The following PAX5 variants were observed in gnomAD, a reference collection of about 807,000 sequenced individuals.
The protein encoded by PAX5 is paired box protein Pax-5.
A neutral mutation model predicts 43.7 loss-of-function variants in PAX5; 9 were observed. The observed-to-expected ratio is 0.21, with a 90% CI of 0.12 to 0.36. The LOEUF is 0.36. Ranked by LOEUF, PAX5 falls within the 10% of genes least tolerant of loss-of-function variation. The pLI is 1.00. For missense variants in PAX5, 383 were observed against 532.7 expected (o/e 0.72, Z 2.77); for synonymous variants, 228 against 214.3 (o/e 1.06, Z -0.56).
Position 36,851,082 on chromosome 9 carries a change from T to C in PAX5, c.1013-4153A>G, listed in dbSNP as rs1023686600. On this transcript the variant is annotated intron_variant, in intron 8 of 9. Transcript: ENST00000358127. ...TGGTTTTGTGGCCTTGGGCAAGCGA[T>C]TGAACCTTCCAGGCAGAGCCTCCTC... Among the ~76,000 whole-genome samples, 7 of 152,240 alleles carry C rather than the reference T, an allele frequency of 4.6e-5. No individual in the cohort carries two copies. In the East Asian group the frequency reaches 1.3e-3, roughly 29 times the overall value.
intron 8 of PAX5, among the ~76,000 whole-genome samples, chr9:36,881,802 C>T (rs62534680): frequency 6.6e-6 from 1 of 152,042 alleles, no homozygotes; most frequent in African/African-American, 2.4e-5. Context: ...CTCCCCTCGC[C>T]CCCGGTGTCC....
intron 5 of PAX5, among the ~76,000 whole-genome samples, chr9:36,986,132 C>T (rs1280051306): frequency 6.6e-6 from 1 of 151,838 alleles, no homozygotes; most frequent in East Asian, 1.9e-4. Flanking sequence ...CTGCCCAGCT[C>T]CCGGCTGCCG....
intron 6 of PAX5, among the ~76,000 whole-genome samples, chr9:36,952,858 A>G (rs917169790): frequency 4.6e-5 from 7 of 152,186 alleles, no homozygotes; most frequent in African/African-American, 1.7e-4. Context: ...TACTTTACAC[A>G]AACAGTTACC....
At chr9:36,878,944 G>A (rs1293494791) in intron 8 of PAX5, among the ~76,000 whole-genome samples, 1 of 152,238 alleles carries the variant, frequency 6.6e-6, no homozygotes, top group Admixed American at 6.5e-5. Context: ...TGGGGCAAGA[G>A]GAGAAAGAGG....
intron 5 of PAX5, among the ~76,000 whole-genome samples, chr9:36,979,502 C>T (rs756463304): frequency 3.6e-4 from 55 of 152,290 alleles, no homozygotes; most frequent in Non-Finnish European, 6.9e-4. Context: ...TGATAACAAT[C>T]GCACCCCTCA....
Position 36,882,809 on chromosome 9 carries a change from G to A in PAX5, c.911-704C>T, listed in dbSNP as rs1308196719. On this transcript the variant is annotated intron_variant, in intron 7 of 9. Coordinates refer to ENST00000358127, the MANE Select transcript of PAX5 (RefSeq NM_016734.3). The surrounding 1 kb of genome is among the most constrained non-coding windows in gnomAD (Gnocchi z 4.4). ...TCAAGGCGTGCACACTCCCATGGGCGAGTGTCCAGCTCTTTCAGGCTGCTG... is the reference window on the plus strand; with the variant it reads ...TCAAGGCGTGCACACTCCCATGGGCAAGTGTCCAGCTCTTTCAGGCTGCTG... Among the ~76,000 whole-genome samples the A allele has an allele frequency of 1.3e-5, 2 of 152,232 alleles. No individual in the cohort carries two copies. The highest frequency in any genetic ancestry group is 2.4e-5 in the African/African-American group (1 of 41,464).
chr9:36,977,546 T>C (rs10973148), intron 5 of PAX5, among the ~76,000 whole-genome samples: 1 of 152,148 alleles, frequency 6.6e-6, no homozygotes, highest in Admixed American at 6.6e-5. Flanking sequence ...TTTGTTTTTG[T>C]GAGATGGAGT....
intron 7 of PAX5, among the ~76,000 whole-genome samples, chr9:36,910,365 T>G (rs1180540750): frequency 1.3e-5 from 2 of 152,254 alleles, no homozygotes; most frequent in African/African-American, 4.8e-5. Flanking sequence ...ATACATTATT[T>G]ACATCCCCTA....
chr9:36,894,045 A>G (rs893923808), intron 7 of PAX5, among the ~76,000 whole-genome samples: 1 of 152,116 alleles, frequency 6.6e-6, no homozygotes, highest in Non-Finnish European at 1.5e-5. Flanking sequence ...GACCTCCAGG[A>G]GGTTGGTTGC....
intron 5 of PAX5, among the ~76,000 whole-genome samples, chr9:36,984,004 A>G (rs2132289972): frequency 6.6e-6 from 1 of 152,338 alleles, no homozygotes; most frequent in South Asian, 2.1e-4. Flanking sequence ...GCTTGTTCCT[A>G]ACAGACAAGA....
chr9:36,979,848 G>A (rs1835761222), intron 5 of PAX5, among the ~76,000 whole-genome samples: 1 of 152,188 alleles, frequency 6.6e-6, no homozygotes, highest in Admixed American at 6.5e-5. Context: ...CTGGAGCTTG[G>A]AGTGGATTCC....
At chr9:36,971,834 C>T (rs1198444916) in intron 5 of PAX5, among the ~76,000 whole-genome samples, 1 of 152,184 alleles carries the variant, frequency 6.6e-6, no homozygotes, top group Non-Finnish European at 1.5e-5. Flanking sequence ...AAGCTTTACA[C>T]AATCGGGTCT....
intron 5 of PAX5, among the ~76,000 whole-genome samples, chr9:36,980,000 C>T (rs1428506535): frequency 6.6e-6 from 1 of 152,228 alleles, no homozygotes; most frequent in South Asian, 2.1e-4. Flanking sequence ...ACTTTTTCCA[C>T]TTTCTCTCAA....
At chr9:36,962,907 G>A (rs371070509) in intron 6 of PAX5, among the ~76,000 whole-genome samples, 27 of 152,342 alleles carry the variant, frequency 1.8e-4, no homozygotes, top group East Asian at 1.4e-3. Context: ...GCCATGCCAC[G>A]CTGGGGCTCA....
Position 36,881,987 on chromosome 9 carries a change from C to CTGCTGTGGA in PAX5, c.1012+16_1012+17insTCCACAGCA. 1.9e-6 allele frequency: 3 copies of CTGCTGTGGA among 1,591,352 alleles called. No individual in the cohort carries two copies. The highest frequency in any genetic ancestry group is 2.6e-6 in the Non-Finnish European group (3 of 1,165,578). On this transcript the variant is annotated intron_variant, in intron 8 of 9. Transcript: ENST00000358127. ...CGTCCGCTGCCTGCTGTGGAGACGC[C>CTGCTGTGGA]GACAGTGCAAACTCACCAGGCACCA...
intron 8 of PAX5, among the ~76,000 whole-genome samples, chr9:36,869,444 G>A (rs1313717534): frequency 1.3e-5 from 2 of 152,200 alleles, no homozygotes; most frequent in Non-Finnish European, 2.9e-5. Context: ...GGCAGCACCA[G>A]GGATGTCTTG....
chr9:36,928,976 T>G (rs760910511), intron 6 of PAX5, among the ~76,000 whole-genome samples: 2 of 152,230 alleles, frequency 1.3e-5, no homozygotes, highest in Non-Finnish European at 2.9e-5. Context: ...AACCACTGCA[T>G]GTCTCTTTTG....
chr9:36,843,093 C>CGT lies in PAX5; in HGVS notation c.1100-2459_1100-2458dup, dbSNP rs149354277. On this transcript the variant is annotated intron_variant, in intron 9 of 9. Transcript: ENST00000358127. ...GCGTGTGTGTGCCTGTGTGTGTGTGCGTGTGTGTGTGTGAGTGTATGAGTG... is the reference window on the plus strand; with the variant it reads ...GCGTGTGTGTGCCTGTGTGTGTGTGCGTGTGTGTGTGTGTGAGTGTATGAGTG... 6.0e-5 allele frequency among the ~76,000 whole-genome samples: 9 copies of CGT among 149,198 alleles called. 1 individual carries two copies. In the South Asian group the frequency reaches 1.1e-3, roughly 18 times the overall value.
At chr9:36,964,940 C>T (rs1834291723) in intron 6 of PAX5, among the ~76,000 whole-genome samples, 1 of 152,154 alleles carries the variant, frequency 6.6e-6, no homozygotes, top group Non-Finnish European at 1.5e-5. Context: ...GCATCATCGC[C>T]CGCCCATCCC....
Sources: gnomAD v4.1 joint callset for allele counts (sites outside exome capture counted in the v4.1 genomes callset) on GRCh38, gnomAD v4.1.1 for gene constraint, Gnocchi (gnomAD v3.1) non-coding constraint, MANE v1.5 for transcripts, NCBI Gene and HGNC (gene_info 2026-07-23, HGNC 2026-07-21) for gene names.